The following ARHGAP6 variants were observed in gnomAD, a reference collection of about 807,000 sequenced individuals.
ARHGAP6 encodes the protein rho GTPase-activating protein 6.
ARHGAP6 carries 16 observed loss-of-function variants against 55.7 expected under a neutral mutation model. The observed-to-expected ratio is 0.29, with a 90% CI of 0.19 to 0.44. The LOEUF (loss-of-function observed/expected upper bound fraction) is 0.44, where lower values mean the gene tolerates loss of function less well. Ranked by LOEUF, ARHGAP6 falls within the 20% of genes least tolerant of loss-of-function variation. ARHGAP6 has a pLI of 1.00. For synonymous variants in ARHGAP6, 382 were observed against 360.9 expected (o/e 1.06, Z -0.66); for missense variants, 698 against 808.9 (o/e 0.86, Z 1.66).
intron 2 of ARHGAP6, among the ~76,000 whole-genome samples, chrX:11,214,479 T>C (rs964249637): frequency 6.2e-5 from 7 of 112,777 alleles, no homozygotes; most frequent in Admixed American, 2.8e-4. Flanking sequence ...TAGGGGTGGC[T>C]GGAACGAGCC....
At chrX:11,483,788 C>A (rs1350507319) in intron 1 of ARHGAP6, among the ~76,000 whole-genome samples, 2 of 111,832 alleles carry the variant, frequency 1.8e-5, no homozygotes, top group East Asian at 5.6e-4. Flanking sequence ...AATGGTCTCA[C>A]TTCCTTTGGG....
At position 11,338,019 on chromosome X, in the gene ARHGAP6, T is replaced by A. The variant is rs188726645; in HGVS notation, c.589-83312A>T. 3.6e-5 allele frequency among the ~76,000 whole-genome samples: 4 copies of A among 111,069 alleles called. No individual in the cohort carries two copies. The East Asian group carries it at 1.1e-3, about 32-fold the overall frequency. On this transcript the variant is annotated intron_variant, in intron 1 of 12. Transcript: ENST00000337414. ...CCCACTCTTGCAGGAACTAATCAATTCCCCTGAGAACCAATCTAGTGTCAA... is the reference window on the plus strand; with the variant it reads ...CCCACTCTTGCAGGAACTAATCAATACCCCTGAGAACCAATCTAGTGTCAA...
chrX:11,659,688 G>C (rs780548413), intron 1 of ARHGAP6, among the ~76,000 whole-genome samples: 3 of 111,654 alleles, frequency 2.7e-5, no homozygotes, highest in Admixed American at 1.9e-4. Flanking sequence ...CGAAAAGAGC[G>C]AGAGAGAGAA....
chrX:11,600,071 ACT>A (rs2051951472), intron 1 of ARHGAP6, among the ~76,000 whole-genome samples: 1 of 110,950 alleles, frequency 9.0e-6, no homozygotes, highest in African/African-American at 3.3e-5. Context: ...TTTTCTGGAA[ACT>A]CTCATAGGTG....
chrX:11,364,110 C>T (rs1254304446), intron 1 of ARHGAP6, among the ~76,000 whole-genome samples: 1 of 111,307 alleles, frequency 9.0e-6, no homozygotes, highest in Non-Finnish European at 1.9e-5. Context: ...GAACAGAAAA[C>T]CATATACTGC....
chrX:11,581,619 A>T (rs1159191653), intron 1 of ARHGAP6, among the ~76,000 whole-genome samples: 1 of 111,847 alleles, frequency 8.9e-6, no homozygotes, highest in Non-Finnish European at 1.9e-5. Context: ...TTGTTACAAC[A>T]TGGATAAACC....
At chrX:11,266,033 C>CTG (rs56408947) in intron 1 of ARHGAP6, 3,324 of 168,023 alleles carry the variant, frequency 0.02, 82 homozygotes, top group Admixed American at 0.054. Flanking sequence ...GCGTGTGTGC[C>CTG]TGTGTGTGTG....
intron 1 of ARHGAP6, among the ~76,000 whole-genome samples, chrX:11,322,867 C>T (rs914624939): frequency 5.3e-5 from 6 of 112,290 alleles, no homozygotes; most frequent in Non-Finnish European, 1.9e-5. Flanking sequence ...GATTCTCACC[C>T]AGAAGTTGTG....
intron 1 of ARHGAP6, among the ~76,000 whole-genome samples, chrX:11,561,126 T>C (rs771857553): frequency 2.7e-5 from 3 of 112,224 alleles, no homozygotes; most frequent in Non-Finnish European, 5.6e-5. Flanking sequence ...TCACTATTTA[T>C]CCCTTACAGA....
intron 9 of ARHGAP6, among the ~76,000 whole-genome samples, chrX:11,160,519 A>G (rs1383248957): frequency 2.7e-5 from 3 of 111,031 alleles, no homozygotes; most frequent in African/African-American, 9.8e-5. Flanking sequence ...TAAAGAATAA[A>G]CAGTTAGAGT....
intron 1 of ARHGAP6, among the ~76,000 whole-genome samples, chrX:11,264,757 T>C (rs1340839611): frequency 8.9e-6 from 1 of 112,038 alleles, no homozygotes; most frequent in Non-Finnish European, 1.9e-5. Flanking sequence ...CCTCCGGAGA[T>C]AGATTAGACC....
chrX:11,483,963 A>G (rs2050485189), intron 1 of ARHGAP6, among the ~76,000 whole-genome samples: 2 of 111,879 alleles, frequency 1.8e-5, no homozygotes, highest in South Asian at 3.7e-4. Context: ...CACCGTCTTC[A>G]ACTCTCTTAT....
intron 1 of ARHGAP6, among the ~76,000 whole-genome samples, chrX:11,661,772 T>G (rs1335955206): frequency 8.9e-6 from 1 of 112,237 alleles, no homozygotes; most frequent in East Asian, 2.8e-4. Flanking sequence ...CTGTGGGCAC[T>G]CTCTTGATGG....
chrX:11,558,994 T>A, intron 1 of ARHGAP6, among the ~76,000 whole-genome samples: 1 of 106,010 alleles, frequency 9.4e-6, no homozygotes, highest in East Asian at 3.0e-4. Flanking sequence ...TTGTTCCGCT[T>A]CTGCTTGTCC....
At chrX:11,557,665 G>GA (rs1308526588) in intron 1 of ARHGAP6, among the ~76,000 whole-genome samples, 1 of 111,894 alleles carries the variant, frequency 8.9e-6, no homozygotes, top group African/African-American at 3.3e-5. Flanking sequence ...TAATTATCAG[G>GA]AAAAAACCCT....
At chrX:11,445,682 A>G (rs1430544107) in intron 1 of ARHGAP6, among the ~76,000 whole-genome samples, 1 of 111,663 alleles carries the variant, frequency 9.0e-6, no homozygotes, top group Non-Finnish European at 1.9e-5. Context: ...CTCCCAGAGG[A>G]CATTGGGCAA....
At chrX:11,383,644 T>A (rs968727079) in intron 1 of ARHGAP6, among the ~76,000 whole-genome samples, 4 of 111,645 alleles carry the variant, frequency 3.6e-5, no homozygotes, top group Non-Finnish European at 1.9e-5. Context: ...ATATGAGGAC[T>A]GAGAGGGTGA....
chrX:11,466,831 T>C (rs940150173), intron 1 of ARHGAP6, among the ~76,000 whole-genome samples: 3 of 112,193 alleles, frequency 2.7e-5, no homozygotes, highest in African/African-American at 9.7e-5. Context: ...AGTACATGTC[T>C]ATATATGTTT....
chrX:11,288,197 C>T (rs2047945121), intron 1 of ARHGAP6, among the ~76,000 whole-genome samples: 1 of 112,322 alleles, frequency 8.9e-6, no homozygotes, highest in South Asian at 3.7e-4. Context: ...GAGTAGGAGT[C>T]TTTGTGTGTT....
Sources: gnomAD v4.1 joint callset for allele counts (sites outside exome capture counted in the v4.1 genomes callset) on GRCh38, gnomAD v4.1.1 for gene constraint, MANE v1.5 for transcripts, NCBI Gene and HGNC (gene_info 2026-07-23, HGNC 2026-07-21) for gene names.